NHS: variants seen among roughly 807,000 people sequenced by gnomAD.
The protein encoded by NHS is actin remodeling regulator NHS.
A neutral mutation model predicts 72.5 loss-of-function variants in NHS; 5 were observed. The ratio of observed to expected loss-of-function variants is 0.07; its 90% CI spans 0.04 to 0.14. The LOEUF (loss-of-function observed/expected upper bound fraction) is 0.14. Ranked by LOEUF, NHS falls within the 10% of genes least tolerant of loss-of-function variation. NHS has a pLI of 1.00. For synonymous variants in NHS, 464 were observed against 547.7 expected, an observed-to-expected ratio of 0.85 and a Z score of 2.13; for missense variants, 1,072 against 1,355.7, an observed-to-expected ratio of 0.79 and a Z score of 3.29.
intron 1 of NHS, among the ~76,000 whole-genome samples, chrX:17,549,745 C>A (rs2065320905): frequency 9.0e-6 from 1 of 111,420 alleles, no homozygotes; most frequent in Non-Finnish European, 1.9e-5. Flanking sequence ...CAGCTGATAT[C>A]AGCACCAGAG....
chrX:17,529,278 C>T (rs1222439507), intron 1 of NHS, among the ~76,000 whole-genome samples: 1 of 112,122 alleles, frequency 8.9e-6, no homozygotes, highest in Non-Finnish European at 1.9e-5. Context: ...GAACAGAAGG[C>T]CTGATTTCAC....
chrX:17,475,578 A>G (rs1221079626), intron 1 of NHS, among the ~76,000 whole-genome samples: 2 of 111,642 alleles, frequency 1.8e-5, no homozygotes, highest in Admixed American at 1.9e-4. Context: ...CTTCCCAAGC[A>G]TCTCCCCTGC....
chrX:17,564,959 G>A (rs1234704346), intron 1 of NHS, among the ~76,000 whole-genome samples: 1 of 109,190 alleles, frequency 9.2e-6, no homozygotes, highest in Non-Finnish European at 1.9e-5. Flanking sequence ...GGCAAATTGG[G>A]TACAGCCACA....
At chrX:17,711,603 T>A (rs1166917796) in intron 3 of NHS, among the ~76,000 whole-genome samples, 3 of 112,042 alleles carry the variant, frequency 2.7e-5, no homozygotes, top group African/African-American at 6.5e-5. Flanking sequence ...CAGTCACACA[T>A]TCTCTTTCAG....
intron 1 of NHS, among the ~76,000 whole-genome samples, chrX:17,573,603 C>G (rs1195810595): frequency 1.8e-5 from 2 of 110,448 alleles, no homozygotes; most frequent in African/African-American, 6.6e-5. Context: ...AGGTTTTTAG[C>G]TTCCTTGCAA....
At chrX:17,601,818 A>G (rs1024460972) in intron 1 of NHS, among the ~76,000 whole-genome samples, 1 of 111,582 alleles carries the variant, frequency 9.0e-6, no homozygotes, top group Non-Finnish European at 1.9e-5. Flanking sequence ...ATTCGATCCC[A>G]CCCTCGATAC....
At chrX:17,557,336 T>C (rs922097426) in intron 1 of NHS, 1 of 106,306 alleles carries the variant, frequency 9.4e-6, no homozygotes, top group Non-Finnish European at 1.9e-5. Context: ...GATATATATA[T>C]ATATATATAT....
intron 1 of NHS, among the ~76,000 whole-genome samples, chrX:17,409,193 A>G (rs2064544870): frequency 8.9e-6 from 1 of 112,363 alleles, no homozygotes; most frequent in Admixed American, 9.4e-5. Flanking sequence ...CCACTGTAAC[A>G]TCTGCTGTTT....
intron 1 of NHS, among the ~76,000 whole-genome samples, chrX:17,679,668 A>G (rs928708894): frequency 9.0e-6 from 1 of 111,260 alleles, no homozygotes; most frequent in African/African-American, 3.3e-5. Context: ...CTAGGTATAC[A>G]AGCCAACCAA....
At chrX:17,395,179 GA>G (rs376541387) in intron 1 of NHS, among the ~76,000 whole-genome samples, 1,867 of 91,989 alleles carry the variant, frequency 0.02, 37 homozygotes, top group African/African-American at 0.064. Context: ...CAGAGGCAAA[GA>G]AAAAAAAAAA....
intron 1 of NHS, among the ~76,000 whole-genome samples, chrX:17,577,714 T>G (rs957511706): frequency 8.9e-6 from 1 of 111,918 alleles, no homozygotes; most frequent in African/African-American, 3.2e-5. Context: ...GTTTATTGGC[T>G]GACATGCTGA....
At chrX:17,389,140 A>G (rs866312328) in intron 1 of NHS, among the ~76,000 whole-genome samples, 1 of 112,305 alleles carries the variant, frequency 8.9e-6, no homozygotes, top group Middle Eastern at 4.6e-3. Flanking sequence ...TAAAAAATCA[A>G]GATATAATTT....
chrX:17,676,476 C>T (rs998186793), intron 1 of NHS, among the ~76,000 whole-genome samples: 1 of 112,744 alleles, frequency 8.9e-6, no homozygotes, highest in African/African-American at 3.2e-5. Flanking sequence ...CCTGGTTCAT[C>T]TCAAATAATG....
At chrX:17,403,150 G>C (rs1028319949) in intron 1 of NHS, among the ~76,000 whole-genome samples, 10 of 111,463 alleles carry the variant, frequency 9.0e-5, no homozygotes, top group Non-Finnish European at 1.9e-4. Context: ...CCATATGCTG[G>C]ATGGGGAAAG....
chrX:17,470,397 T>C (rs769979146), intron 1 of NHS, among the ~76,000 whole-genome samples: 1 of 111,601 alleles, frequency 9.0e-6, no homozygotes, highest in Non-Finnish European at 1.9e-5. Flanking sequence ...GTTTCTCTGG[T>C]ATGTAAAGCT....
chrX:17,599,728 G>A (rs2065640393), intron 1 of NHS, among the ~76,000 whole-genome samples: 1 of 111,426 alleles, frequency 9.0e-6, no homozygotes, highest in Admixed American at 9.6e-5. Flanking sequence ...TTAGATAACA[G>A]TTTGCCAGTT....
intron 1 of NHS, among the ~76,000 whole-genome samples, chrX:17,484,099 A>G (rs759265963): frequency 2.7e-5 from 3 of 112,401 alleles, no homozygotes; most frequent in African/African-American, 6.5e-5. Context: ...CTTGAAATCA[A>G]CCATGGTAGA....
At chrX:17,717,801 G>A (rs2066373107) in intron 3 of NHS, among the ~76,000 whole-genome samples, 1 of 111,899 alleles carries the variant, frequency 8.9e-6, no homozygotes, top group Non-Finnish European at 1.9e-5. Flanking sequence ...CTATGAATAG[G>A]AGAAAGAAGT....
chrX:17,513,006 C>T (rs1218161874), intron 1 of NHS, among the ~76,000 whole-genome samples: 1 of 112,041 alleles, frequency 8.9e-6, no homozygotes, highest in Non-Finnish European at 1.9e-5. Context: ...CTCACCTACT[C>T]ATTTTCTTGT....
Sources: gnomAD v4.1 joint callset for allele counts (sites outside exome capture counted in the v4.1 genomes callset) on GRCh38, gnomAD v4.1.1 for gene constraint, MANE v1.5 for transcripts, NCBI Gene and HGNC (gene_info 2026-07-23, HGNC 2026-07-21) for gene names.